ZNF35: variants seen among roughly 807,000 people sequenced by gnomAD.
The protein encoded by ZNF35 is zinc finger protein 35 (clone HF.10).
In ZNF35, 31 loss-of-function variants were observed where a neutral mutation model predicts 45.9. The ratio of observed to expected loss-of-function variants is 0.68; its 90% CI spans 0.51 to 0.91. The LOEUF (loss-of-function observed/expected upper bound fraction) is 0.91. Ranked by LOEUF, ZNF35 falls within the 40% of genes least tolerant of loss-of-function variation. The pLI is 0.00. For synonymous variants in ZNF35, 205 were observed against 220.2 expected (o/e 0.93, Z 0.61); for missense variants, 515 against 625.4 (o/e 0.82, Z 1.88).
chr3:44,651,362 C>G, intron 2 of ZNF35, 103 bp downstream of exon 2: 1 of 1,116,864 alleles, frequency 9.0e-7, no homozygotes, highest in African/African-American at 1.6e-5. Context: ...AGTCTTATTT[C>G]TTGGGTACAA....
chr3:44,650,068 TTGTGTGTGTGTG>T (rs10575761), intron 1 of ZNF35, among the ~76,000 whole-genome samples: 5 of 149,960 alleles, frequency 3.3e-5, no homozygotes, highest in South Asian at 2.1e-4. Context: ...GATAAGTACT[TTGTGTGTGTGTG>T]TGTGTGTGTG....
At chr3:44,653,584 T>A (rs1034098038) in intron 3 of ZNF35, among the ~76,000 whole-genome samples, 2 of 152,204 alleles carry the variant, frequency 1.3e-5, no homozygotes, top group Non-Finnish European at 2.9e-5. Context: ...CCTGGAGATG[T>A]TCTGTTTTCA....
chr3:44,652,722 T>G (rs1703226730), intron 3 of ZNF35, 21 bp downstream of exon 3: 1 of 1,531,230 alleles, frequency 6.5e-7, no homozygotes, highest in African/African-American at 1.4e-5. Context: ...GTTCCCTGAT[T>G]CTGAATCTGA....
chr3:44,651,012 T>A lies in ZNF35; in HGVS notation c.-56T>A. On this transcript the variant is annotated 5_prime_UTR_variant, in exon 2 of 4. Transcript: ENST00000396056. ...TTTGAAACATAAAGCTTGGATGGGGTTTGACCTCTGCAGGGCAGCGCCCAG... is the reference window on the plus strand; with the variant it reads ...TTTGAAACATAAAGCTTGGATGGGGATTGACCTCTGCAGGGCAGCGCCCAG... 6.5e-7 allele frequency: 1 copy of A among 1,548,114 alleles called. No individual in the cohort carries two copies.
intron 1 of ZNF35, among the ~76,000 whole-genome samples, chr3:44,650,221 A>C (rs1315437242): frequency 6.6e-6 from 1 of 152,234 alleles, no homozygotes; most frequent in Non-Finnish European, 1.5e-5. Flanking sequence ...AAGAATGGCA[A>C]CATGAAAGTA....
chr3:44,651,743 G>A (rs1703206122), intron 2 of ZNF35, among the ~76,000 whole-genome samples: 1 of 151,804 alleles, frequency 6.6e-6, no homozygotes, highest in Admixed American at 6.6e-5. Context: ...TGAGGTGGGA[G>A]GATTGATTGA....
chr3:44,655,371 T>G (rs1276193197), intron 3 of ZNF35, among the ~76,000 whole-genome samples: 1 of 151,544 alleles, frequency 6.6e-6, no homozygotes, highest in African/African-American at 2.4e-5. Flanking sequence ...CAGAATACAG[T>G]CACCAGCTAA....
chr3:44,659,799 G>A lies in ZNF35; in HGVS notation c.1436G>A (p.Cys479Tyr). 6.2e-7 allele frequency: 1 copy of A among 1,614,044 alleles called. No homozygotes were observed. The highest frequency in any genetic ancestry group is 8.5e-7 in the Non-Finnish European group (1 of 1,179,988). Reference protein sequence around the residue: ...NGEKPYTCNECGKAFRQRSSL... With the variant: ...NGEKPYTCNEYGKAFRQRSSL... Reference sequence around the variant, plus strand: ...GAAAAACCTTACACATGTAATGAGTGTGGGAAGGCCTTCAGACAGAGGTCG... The same window carrying A: ...GAAAAACCTTACACATGTAATGAGTATGGGAAGGCCTTCAGACAGAGGTCG... The change falls in exon 4 of 4, where the codon TGT (cysteine) becomes TAT (tyrosine). Residue 479 changes from cysteine to tyrosine, a missense_variant. Physicochemically the swap from Cys to Tyr is radical, Grantham distance 194 (BLOSUM62 -2). This residue lies in a region of ZNF35 where 232 missense variants were observed against 304.6 expected (regional missense o/e 0.76). Transcript: ENST00000396056. This position sits in a 1 kb window ranked among gnomAD's most constrained non-coding sequence, Gnocchi z 4.3.
intron 1 of ZNF35, among the ~76,000 whole-genome samples, chr3:44,649,884 ATTG>A (rs1703152934): frequency 6.6e-6 from 1 of 152,366 alleles, no homozygotes; most frequent in Admixed American, 6.5e-5. Context: ...GTATTGAAAG[ATTG>A]TTAAGACTAT....
rs781481555 is a variant in ZNF35 at position 44,659,581 on chromosome 3, T to C, written c.1218T>C (p.Ile406=). 1 of 1,614,090 alleles carries C rather than the reference T, an allele frequency of 6.2e-7. No homozygotes were observed. Residue 406 remains isoleucine, a synonymous_variant, in exon 4 of 4, where the codon ATT becomes ATC. Coordinates refer to ENST00000396056, the MANE Select transcript of ZNF35 (RefSeq NM_003420.4). The surrounding 1 kb of genome is among the most constrained non-coding windows in gnomAD (Gnocchi z 4.3). ...CCTTTAGTTGTTTTTCACACCTTAT[T>C]GTGCACCAGAGAATTCACACTGCAG... ...GKAFSCFSHL[I]VHQRIHTAEK... is the part of the protein sequence containing the mutation.
In ZNF35 at chr3:44,659,655, C is replaced by T; in HGVS notation, c.1292C>T (p.Ser431Phe). ...TGTGGGAAAGCCTTCAGTCAGCTCT[C>T]TTGCCTTATTGTCCACCAGAGAATT... is the stretch of plus-strand genomic sequence containing the variant. The part of the protein sequence containing the change: ...SECGKAFSQL[S>F]CLIVHQRIHS... Residue 431 changes from serine to phenylalanine, a missense_variant, in exon 4 of 4, where the codon TCT becomes TTT. Physicochemically the swap from Ser to Phe is radical, Grantham distance 155. Coordinates refer to ENST00000396056, the MANE Select transcript of ZNF35 (RefSeq NM_003420.4). This position sits in a 1 kb window ranked among gnomAD's most constrained non-coding sequence, Gnocchi z 4.3. 1.9e-6 allele frequency: 3 copies of T among 1,614,212 alleles called. No individual in the cohort carries two copies. The highest frequency in any genetic ancestry group is 2.5e-6 in the Non-Finnish European group (3 of 1,180,046).
Position 44,651,251 on chromosome 3 carries a change from G to T in ZNF35, c.184G>T (p.Glu62Ter). The T allele has an allele frequency of 6.2e-7, 1 of 1,611,844 alleles. No individual in the cohort carries two copies. The highest frequency in any genetic ancestry group is 1.3e-5 in the African/African-American group (1 of 74,774). The change falls in exon 2 of 4, where the codon GAA (glutamate) becomes TAA (stop). Residue 62 changes from glutamate (E) to a stop codon, truncating the protein, a stop_gained. Coordinates refer to ENST00000396056, the MANE Select transcript of ZNF35 (RefSeq NM_003420.4). LOFTEE classifies it high-confidence loss of function. Reference protein sequence around the residue: ...LQTGLDGSEEEEKGQNISWDM... With the variant: ...LQTGLDGSEE ...GACAGGCCTTGATGGATCAGAAGAGGAAGAAAAGGTAAACGGGGGCCTGAG... is the reference window on the plus strand; with the variant it reads ...GACAGGCCTTGATGGATCAGAAGAGTAAGAAAAGGTAAACGGGGGCCTGAG...
intron 1 of ZNF35, among the ~76,000 whole-genome samples, chr3:44,650,510 T>C (rs1703181324): frequency 6.6e-6 from 1 of 152,236 alleles, no homozygotes; most frequent in African/African-American, 2.4e-5. Context: ...TGTGAAAATA[T>C]GTATCCCCAA....
In ZNF35 at chr3:44,650,960, C is replaced by T; in HGVS notation, c.-108C>T. Reference sequence around the variant, plus strand: ...TCTCAGTAGGCAGTACTCATCTTGGCCCTGGGAAGAAACTCAAGAAGAAGC... The same window carrying T: ...TCTCAGTAGGCAGTACTCATCTTGGTCCTGGGAAGAAACTCAAGAAGAAGC... On this transcript the variant is annotated 5_prime_UTR_variant, in exon 2 of 4. Coordinates refer to ENST00000396056, the MANE Select transcript of ZNF35 (RefSeq NM_003420.4). 9.1e-7 allele frequency: 1 copy of T among 1,102,576 alleles called. No individual in the cohort carries two copies. Among genetic ancestry groups the T allele is most frequent in the East Asian group, 2.5e-5 (1 of 39,276 alleles). 68.3% of individuals were successfully genotyped at this position (1,102,576 alleles called of 1,614,324 possible).
intron 3 of ZNF35, among the ~76,000 whole-genome samples, chr3:44,653,427 T>G (rs1703241426): frequency 6.6e-6 from 1 of 152,232 alleles, no homozygotes; most frequent in Non-Finnish European, 1.5e-5. Context: ...TTAGTGATAT[T>G]TATTGTTCAA....
chr3:44,652,801 T>A, intron 3 of ZNF35, 100 bp downstream of exon 3: 3 of 1,237,512 alleles, frequency 2.4e-6, no homozygotes, highest in Non-Finnish European at 3.3e-6. Context: ...ACCAACAGAG[T>A]ACTGAGGTAT....
At position 44,659,940 on chromosome 3, in the gene ZNF35, T is replaced by C. The variant is rs1703373572; in HGVS notation, c.1577T>C (p.Val526Ala). 1.3e-6 allele frequency: 2 copies of C among 1,540,208 alleles called. No individual in the cohort carries two copies. Among genetic ancestry groups the C allele is most frequent in the African/African-American group, 1.4e-5 (1 of 72,514 alleles). The change falls in exon 4 of 4, where the codon GTT becomes GCT. Residue 526 changes from valine (V) to alanine (A), a missense_variant. Val to Ala is a moderately conservative substitution (Grantham distance 64). Coordinates refer to ENST00000396056, the MANE Select transcript of ZNF35 (RefSeq NM_003420.4). This position sits in a 1 kb window ranked among gnomAD's most constrained non-coding sequence, Gnocchi z 4.3. Reference protein sequence around the residue: ...HLMRHHRTHLVE With the variant: ...HLMRHHRTHLAE ...ATGCGACACCATAGAACCCATCTTG[T>C]TGAATAACAAGTAAGGAAGAGGAAG...
rs115467258 is a variant in ZNF35, at chr3:44,659,353, G to A, written c.990G>A (p.Thr330=). ...QLARHQKVHI[T]EKCYECNECG... is the part of the protein sequence containing the mutation. ...CTCGGCACCAGAAAGTCCACATTAC[G>A]GAAAAATGCTATGAATGTAATGAAT... Residue 330 remains threonine (T), a synonymous_variant, in exon 4 of 4, where the codon ACG becomes ACA. Transcript: ENST00000396056. This position sits in a 1 kb window ranked among gnomAD's most constrained non-coding sequence, Gnocchi z 4.3. 2,785 of 1,613,780 alleles carry A rather than the reference G, an allele frequency of 1.7e-3. 47 individuals carry two copies. In the African/African-American group the frequency reaches 0.033, roughly 19 times the overall value.
In ZNF35 at chr3:44,659,412, T is replaced by C; in HGVS notation, c.1049T>C (p.Ile350Thr). The change falls in exon 4 of 4, where the codon ATT becomes ACT. Residue 350 changes from isoleucine (I) to threonine (T), a missense_variant. Ile to Thr is a moderately conservative substitution (Grantham distance 89, BLOSUM62 -1). Transcript: ENST00000396056. This position sits in a 1 kb window ranked among gnomAD's most constrained non-coding sequence, Gnocchi z 4.3. The part of the protein sequence containing the change: ...GKTFTRSSNL[I>T]VHQRIHTGEK... ...ACATTTACTAGGAGCTCAAACCTCATTGTCCACCAGAGGATCCACACTGGG... is the reference window on the plus strand; with the variant it reads ...ACATTTACTAGGAGCTCAAACCTCACTGTCCACCAGAGGATCCACACTGGG... 1 of 1,611,722 alleles carries C rather than the reference T, an allele frequency of 6.2e-7. No homozygotes were observed. Among genetic ancestry groups the C allele is most frequent in the Non-Finnish European group, 8.5e-7 (1 of 1,178,798 alleles).
Sources: allele counts gnomAD v4.1 joint callset (sites outside exome capture counted in the v4.1 genomes callset), GRCh38; gene constraint gnomAD v4.1.1; regional missense constraint gnomAD v4.1.1; non-coding constraint Gnocchi (gnomAD v3.1); transcripts MANE v1.5; gene names NCBI Gene and HGNC (gene_info 2026-07-23, HGNC 2026-07-21).